Variants in CDH6 observed in about 807,000 individuals in gnomAD.
CDH6 encodes cadherin 6.
CDH6 carries 31 observed loss-of-function variants against 78.0 expected under a neutral mutation model. The ratio of observed to expected loss-of-function variants is 0.40; its 90% CI spans 0.30 to 0.54. The LOEUF (loss-of-function observed/expected upper bound fraction) is 0.54, where lower values mean the gene tolerates loss of function less well. Ranked by LOEUF, CDH6 falls within the 20% of genes least tolerant of loss-of-function variation. The probability of loss-of-function intolerance (pLI) is 0.56; values close to 1 mark genes in which losing one functional copy is unlikely to be tolerated. For missense variants in CDH6, 724 were observed against 975.9 expected (o/e 0.74, Z 3.44); for synonymous variants, 376 against 368.8 (o/e 1.02, Z -0.23).
At chr5:31,215,241 C>G (rs1439423953) in intron 1 of CDH6, among the ~76,000 whole-genome samples, 1 of 152,158 alleles carries the variant, frequency 6.6e-6, no homozygotes, top group East Asian at 1.9e-4. Flanking sequence ...ACTATTCAAC[C>G]TAGGTTTCAA....
At chr5:31,200,157 G>A (rs1476167241) in intron 1 of CDH6, among the ~76,000 whole-genome samples, 1 of 152,124 alleles carries the variant, frequency 6.6e-6, no homozygotes, top group Non-Finnish European at 1.5e-5. Context: ...GCATGTGTCA[G>A]AATTTATAAT....
chr5:31,311,435 C>A (rs546038117), intron 7 of CDH6, among the ~76,000 whole-genome samples: 1 of 152,218 alleles, frequency 6.6e-6, no homozygotes, highest in Non-Finnish European at 1.5e-5. Context: ...GACTTTCCCA[C>A]ATCTTTCTTT....
chr5:31,297,120 T>C (rs1438727633), intron 3 of CDH6, among the ~76,000 whole-genome samples, 169 bp from the exon 4 acceptor site: 2 of 152,198 alleles, frequency 1.3e-5, no homozygotes, highest in Non-Finnish European at 2.9e-5. Flanking sequence ...AAATGTTGAT[T>C]GTATTTCTTT....
intron 1 of CDH6, among the ~76,000 whole-genome samples, chr5:31,206,536 G>C (rs943153131): frequency 6.6e-6 from 1 of 152,108 alleles, no homozygotes; most frequent in Admixed American, 6.6e-5. Flanking sequence ...AACCTCGCAA[G>C]GGTGTTTGAA....
intron 1 of CDH6, among the ~76,000 whole-genome samples, chr5:31,203,848 G>GTT (rs1489767142): frequency 6.6e-6 from 1 of 151,712 alleles, no homozygotes; most frequent in Non-Finnish European, 1.5e-5. Context: ...GGTTGAACTA[G>GTT]TTTACAGTCC....
intron 2 of CDH6, among the ~76,000 whole-genome samples, chr5:31,286,372 T>C (rs751152964): frequency 1.3e-5 from 2 of 152,186 alleles, no homozygotes; most frequent in Non-Finnish European, 2.9e-5. Context: ...TAAGGAAGGC[T>C]TCTCTGAGGT....
chr5:31,262,758 C>T (rs906733070), intron 1 of CDH6, among the ~76,000 whole-genome samples: 7 of 152,106 alleles, frequency 4.6e-5, no homozygotes, highest in African/African-American at 1.7e-4. Flanking sequence ...TCTGAGCATG[C>T]CCTTACTTCT....
intron 1 of CDH6, among the ~76,000 whole-genome samples, chr5:31,263,322 G>A (rs1481085389): frequency 1.4e-5 from 2 of 147,838 alleles, no homozygotes; most frequent in Admixed American, 6.8e-5. Flanking sequence ...GCAATAGCAT[G>A]ATCTCTGCTC....
intron 2 of CDH6, among the ~76,000 whole-genome samples, chr5:31,275,530 G>A (rs1013237211): frequency 6.6e-6 from 1 of 152,178 alleles, no homozygotes. Context: ...CAAAGGACAT[G>A]ATTTCATTCT....
chr5:31,286,626 C>T (rs79683037), intron 2 of CDH6, among the ~76,000 whole-genome samples: 68 of 152,040 alleles, frequency 4.5e-4, no homozygotes, highest in African/African-American at 1.5e-3. Flanking sequence ...GGAGGCCATG[C>T]GAAGGGGTGG....
chr5:31,283,013 A>T (rs1742903422), intron 2 of CDH6, among the ~76,000 whole-genome samples: 1 of 152,208 alleles, frequency 6.6e-6, no homozygotes, highest in South Asian at 2.1e-4. Context: ...GGATGGATGG[A>T]TGGATGGAAG....
At position 31,325,312 on chromosome 5, in the gene CDH6, A is replaced by G. The variant is rs897116957; in HGVS notation, c.*2004A>G. ...GGGTTTCTTTTTTCTAGTTCTTCAT[A>G]CACACACATACACACACACACACAC... On this transcript the variant is annotated 3_prime_UTR_variant, in exon 12 of 12. Transcript: ENST00000265071. 9 of 119,722 alleles carry G rather than the reference A, an allele frequency of 7.5e-5. No individual in the cohort carries two copies. The highest frequency in any genetic ancestry group is 3.9e-4 in the Admixed American group (2 of 5,102). 7.4% of individuals were successfully genotyped at this position (119,722 alleles called of 1,614,324 possible).
chr5:31,208,503 T>C (rs1338372118), intron 1 of CDH6, among the ~76,000 whole-genome samples: 2 of 152,210 alleles, frequency 1.3e-5, no homozygotes, highest in East Asian at 3.9e-4. Flanking sequence ...AACTGATGGA[T>C]CTCCTAACAG....
intron 1 of CDH6, among the ~76,000 whole-genome samples, chr5:31,215,771 T>C (rs2111818520): frequency 6.6e-6 from 1 of 152,264 alleles, no homozygotes; most frequent in Non-Finnish European, 1.5e-5. Flanking sequence ...TTAGGAAGAT[T>C]GAATGAGATG....
chr5:31,278,252 T>C (rs1742753436), intron 2 of CDH6, among the ~76,000 whole-genome samples: 1 of 152,198 alleles, frequency 6.6e-6, no homozygotes, highest in African/African-American at 2.4e-5. Context: ...AAGTGTGTTA[T>C]GAAAGTCTTT....
At chr5:31,258,225 T>C (rs1007408111) in intron 1 of CDH6, among the ~76,000 whole-genome samples, 4 of 152,182 alleles carry the variant, frequency 2.6e-5, no homozygotes, top group Admixed American at 6.5e-5. Context: ...TAGCAAAAAC[T>C]TGAAACCAAC....
intron 6 of CDH6, among the ~76,000 whole-genome samples, chr5:31,302,708 GAAAA>G (rs61544846): frequency 2.1e-5 from 2 of 96,764 alleles, no homozygotes; most frequent in Non-Finnish European, 1.9e-5. Flanking sequence ...GTGAGACTCT[GAAAA>G]AAAAAAAAAA....
At chr5:31,245,788 T>G (rs985085569) in intron 1 of CDH6, among the ~76,000 whole-genome samples, 31 of 152,180 alleles carry the variant, frequency 2.0e-4, no homozygotes, top group African/African-American at 7.0e-4. Context: ...TATCCACAAA[T>G]TTCTTAAGAC....
chr5:31,319,852 T>C (rs1429026799), intron 11 of CDH6, among the ~76,000 whole-genome samples: 5 of 152,226 alleles, frequency 3.3e-5, no homozygotes, highest in African/African-American at 1.2e-4. Context: ...CCTTAGAACT[T>C]GCAAAACTTT....
Sources: allele counts gnomAD v4.1 joint callset (sites outside exome capture counted in the v4.1 genomes callset), GRCh38; gene constraint gnomAD v4.1.1; transcripts MANE v1.5; gene names NCBI Gene and HGNC (gene_info 2026-07-23, HGNC 2026-07-21).